Variants in MTTP observed in about 807,000 individuals in gnomAD.
MTTP encodes the protein microsomal triglyceride transfer protein large subunit.
A neutral mutation model predicts 90.6 loss-of-function variants in MTTP; 49 were observed. That is an observed-to-expected ratio of 0.54 (90% CI 0.43 to 0.69). The LOEUF is 0.69. MTTP is among the 30% of genes least tolerant of loss of function. The probability of loss-of-function intolerance (pLI) is 0.00; values close to 1 mark genes in which losing one functional copy is unlikely to be tolerated. For synonymous variants in MTTP, 347 were observed against 384.2 expected (o/e 0.90, Z 1.13); for missense variants, 945 against 1,067.5 (o/e 0.89, Z 1.60).
intron 1 of MTTP, among the ~76,000 whole-genome samples, chr4:99,581,375 G>C (rs1054981570): frequency 1.3e-5 from 2 of 152,166 alleles, no homozygotes; most frequent in African/African-American, 4.8e-5. Context: ...ATGTACCTTT[G>C]TACTAAAAGT....
At chr4:99,620,993 A>C in intron 16 of MTTP, 68 bp from the exon 17 acceptor site, 506 of 1,309,308 alleles carry the variant, frequency 3.9e-4, no homozygotes, top group Non-Finnish European at 4.8e-4. Flanking sequence ...CTGTAAAGTT[A>C]CAGCTGTTAG....
At chr4:99,572,915 A>G (rs1578228985), upstream of MTTP, among the ~76,000 whole-genome samples, 1 of 152,186 alleles carries the variant, frequency 6.6e-6, no homozygotes, top group South Asian at 2.1e-4. Context: ...GATGTTATTT[A>G]TAACCAGCAG....
chr4:99,570,002 C>G (rs1560609980), upstream of MTTP, among the ~76,000 whole-genome samples: 1 of 151,760 alleles, frequency 6.6e-6, no homozygotes, highest in African/African-American at 2.4e-5. Flanking sequence ...CACAAAGTTC[C>G]TTGTGACACC....
chr4:99,570,701 C>T (rs1358381197), upstream of MTTP: 1 of 455,574 alleles, frequency 2.2e-6, no homozygotes, highest in Non-Finnish European at 4.4e-6. Context: ...ATTATTTAGG[C>T]AGGCCCAGTA....
chr4:99,584,467 TCATATATGTATATTGCTAATCATGATG>T (rs1231027802), intron 3 of MTTP, among the ~76,000 whole-genome samples: 3 of 152,158 alleles, frequency 2.0e-5, no homozygotes, highest in Non-Finnish European at 4.4e-5. Context: ...TTTGGACATT[TCATATATGTATATTGCTAATCATGATG>T]CACATTTTTA....
chr4:99,604,007 CA>C (rs1406124455), intron 10 of MTTP, among the ~76,000 whole-genome samples: 6 of 152,040 alleles, frequency 3.9e-5, no homozygotes, highest in South Asian at 4.1e-4. Flanking sequence ...TTTGAGCAAA[CA>C]TTTTTTTTCA....
upstream of MTTP, among the ~76,000 whole-genome samples, chr4:99,569,884 T>C (rs1235690446): frequency 6.6e-6 from 1 of 152,052 alleles, no homozygotes; most frequent in East Asian, 1.9e-4. Flanking sequence ...CACACTTTTA[T>C]AGTATTATTT....
At chr4:99,600,047 A>G (rs1217854766) in intron 8 of MTTP, among the ~76,000 whole-genome samples, 1 of 152,122 alleles carries the variant, frequency 6.6e-6, no homozygotes, top group Non-Finnish European at 1.5e-5. Context: ...GAACTATACT[A>G]TGGTGTGTTT....
intron 16 of MTTP, among the ~76,000 whole-genome samples, chr4:99,620,272 T>A (rs1726197522): frequency 6.6e-6 from 1 of 152,236 alleles, no homozygotes; most frequent in Admixed American, 6.5e-5. Flanking sequence ...AAAATTAATA[T>A]TCCTGTCAAA....
intron 1 of MTTP, among the ~76,000 whole-genome samples, chr4:99,565,355 T>A (rs1724652785): frequency 6.6e-6 from 1 of 152,196 alleles, no homozygotes; most frequent in Non-Finnish European, 1.5e-5. Flanking sequence ...TCTTTTGACA[T>A]AGACATTTAA....
At chr4:99,586,851 G>A (rs1049621197) in intron 3 of MTTP, among the ~76,000 whole-genome samples, 1 of 152,134 alleles carries the variant, frequency 6.6e-6, no homozygotes, top group Admixed American at 6.6e-5. Context: ...GGCTGGAAGA[G>A]GCACTGTACC....
chr4:99,588,589 A>T (rs1324905453), intron 3 of MTTP, among the ~76,000 whole-genome samples: 1 of 151,076 alleles, frequency 6.6e-6, no homozygotes, highest in African/African-American at 2.4e-5. Flanking sequence ...CCTCATTTCA[A>T]CCTCCTTTCT....
chr4:99,601,460 G>T, intron 9 of MTTP, 147 bp from the exon 10 acceptor site: 1 of 600,460 alleles, frequency 1.7e-6, no homozygotes, highest in Non-Finnish European at 3.0e-6. Context: ...TAGCAAATGT[G>T]TAAGTGTCTC....
chr4:99,621,226 A>G lies in MTTP; in HGVS notation c.2508A>G (p.Pro836=), dbSNP rs1432922772. The G allele has an allele frequency of 6.2e-6, 10 of 1,613,868 alleles. No individual in the cohort carries two copies. Among genetic ancestry groups the G allele is most frequent in the Non-Finnish European group, 8.5e-6 (10 of 1,179,880 alleles). Reference sequence around the variant, plus strand: ...TGCAGATGGACAAGGATGAAGCTCCATTCAGGTAAGATGCAGCGTTCAGGT... The same window carrying G: ...TGCAGATGGACAAGGATGAAGCTCCGTTCAGGTAAGATGCAGCGTTCAGGT... ...VCMQMDKDEA[P]FRQFEKKYER... is the part of the protein sequence containing the mutation. Residue 836 remains proline, a synonymous_variant, in exon 17 of 18, where the codon CCA becomes CCG. Transcript: ENST00000265517.
intron 3 of MTTP, among the ~76,000 whole-genome samples, chr4:99,584,562 A>ACCTC (rs1431245701): frequency 1.3e-5 from 2 of 150,100 alleles, no homozygotes; most frequent in Admixed American, 1.3e-4. Context: ...CCTCGCCTAC[A>ACCTC]ACCAAATATG....
chr4:99,604,370 T>C (rs897892453), intron 10 of MTTP, among the ~76,000 whole-genome samples: 2 of 152,142 alleles, frequency 1.3e-5, no homozygotes, highest in East Asian at 3.8e-4. Context: ...TTTATGTTTG[T>C]CTTTTGCTTA....
At chr4:99,609,510 A>C (rs538386601) in intron 12 of MTTP, among the ~76,000 whole-genome samples, 96 of 152,178 alleles carry the variant, frequency 6.3e-4, no homozygotes, top group Middle Eastern at 3.2e-3. Context: ...CCAGTTACCA[A>C]GTCTGTCCTC....
At chr4:99,583,069 C>T (rs1725166768) in intron 2 of MTTP, among the ~76,000 whole-genome samples, 1 of 151,964 alleles carries the variant, frequency 6.6e-6, no homozygotes, top group Admixed American at 6.6e-5. Context: ...AGACAGCAAC[C>T]ACAAAAAACA....
At chr4:99,573,466 C>G (rs991835580), upstream of MTTP, among the ~76,000 whole-genome samples, 5 of 152,118 alleles carry the variant, frequency 3.3e-5, no homozygotes, top group Non-Finnish European at 7.4e-5. Flanking sequence ...AAGGGGGTTT[C>G]TCCAACCAAA....
Sources: gnomAD v4.1 joint callset for allele counts (sites outside exome capture counted in the v4.1 genomes callset) on GRCh38, gnomAD v4.1.1 for gene constraint, MANE v1.5 for transcripts, NCBI Gene and HGNC (gene_info 2026-07-23, HGNC 2026-07-21) for gene names.